Variants in UBAP1 observed in about 807,000 individuals in gnomAD.
The protein encoded by UBAP1 is ubiquitin-associated protein 1.
In UBAP1, 5 loss-of-function variants were observed where a neutral mutation model predicts 39.0. The ratio of observed to expected loss-of-function variants is 0.13; its 90% CI spans 0.07 to 0.27. UBAP1 has a LOEUF of 0.27. UBAP1 is among the 10% of genes least tolerant of loss of function. UBAP1 has a pLI of 1.00. For missense variants in UBAP1, 490 were observed against 608.1 expected (o/e 0.81, Z 2.04); for synonymous variants, 211 against 225.1 (o/e 0.94, Z 0.56).
At position 34,210,177 on chromosome 9, in the gene UBAP1, A is replaced by G. The variant is rs1001280400; in HGVS notation, c.-7-10731A>G. On this transcript the variant is annotated intron_variant, in intron 1 of 6. Coordinates refer to ENST00000297661, the MANE Select transcript of UBAP1 (RefSeq NM_016525.5). ...AATGTTCCTCAGTATGAATCAGGGT[A>G]CTGTGACCTCTTGTTGGCCTTCCAT... Among the ~76,000 whole-genome samples the G allele has an allele frequency of 3.3e-5, 5 of 152,174 alleles. No individual in the cohort carries two copies. The South Asian group carries it at 1.0e-3, about 32-fold the overall frequency.
intron 1 of UBAP1, among the ~76,000 whole-genome samples, chr9:34,183,642 C>T (rs1051866417): frequency 2.6e-5 from 4 of 151,510 alleles, no homozygotes; most frequent in Non-Finnish European, 5.9e-5. Context: ...TTAGAAATCA[C>T]CTGGGTGTAG....
chr9:34,179,020 T>A (rs1053341829), upstream of UBAP1: 3 of 1,256,596 alleles, frequency 2.4e-6, no homozygotes, highest in Non-Finnish European at 2.0e-6. Flanking sequence ...CCCAAATGAG[T>A]GGGGCGGTGA....
chr9:34,194,841 G>T (rs1830933052), intron 1 of UBAP1, among the ~76,000 whole-genome samples: 1 of 152,214 alleles, frequency 6.6e-6, no homozygotes, highest in African/African-American at 2.4e-5. Context: ...GCAGTGGGGG[G>T]TTGTATACCA....
rs1491474756 is a variant in UBAP1, at chr9:34,231,128, T to TGTGTG, written c.35-3087_35-3083dup. ...GGCAAATGTCTCTTTAAAAAAATTA[T>TGTGTG]GTGTGTGTGTGTGTGTGTGTGTGTG... On this transcript the variant is annotated intron_variant, in intron 2 of 6. Coordinates refer to ENST00000297661, the MANE Select transcript of UBAP1 (RefSeq NM_016525.5). 3.0e-3 allele frequency among the ~76,000 whole-genome samples: 12 copies of TGTGTG among 4,030 alleles called. No homozygotes were observed. The African/African-American group carries it at 0.04, about 14-fold the overall frequency. The allele number at this position is 4,030 out of a possible 152,430, so 2.6% of individuals were successfully genotyped here. A position where few individuals can be genotyped will look rare whatever the true frequency, so the allele number is the denominator to read the frequency against.
intron 1 of UBAP1, among the ~76,000 whole-genome samples, chr9:34,205,423 G>T (rs1273171146): frequency 6.6e-6 from 1 of 152,042 alleles, no homozygotes; most frequent in African/African-American, 2.4e-5. Flanking sequence ...CTTTTTATTG[G>T]TAACTACAAG....
intron 4 of UBAP1, 134 bp from the exon 5 acceptor site, chr9:34,249,645 C>A: frequency 3.7e-6 from 3 of 801,404 alleles, no homozygotes; most frequent in Non-Finnish European, 6.0e-6. Context: ...AGCAACCTGG[C>A]GATTTCTTCC....
chr9:34,212,626 TA>T (rs1454018990), intron 1 of UBAP1, among the ~76,000 whole-genome samples: 1 of 152,134 alleles, frequency 6.6e-6, no homozygotes, highest in African/African-American at 2.4e-5. Flanking sequence ...TAAATGGGTT[TA>T]GGGAAAATAC....
chr9:34,199,104 C>T (rs949079788), intron 1 of UBAP1, among the ~76,000 whole-genome samples: 7 of 152,276 alleles, frequency 4.6e-5, no homozygotes, highest in South Asian at 2.1e-4. Context: ...GACGGAGCCT[C>T]GCTCTGTCGC....
At chr9:34,198,832 AG>A (rs1224678631) in intron 1 of UBAP1, among the ~76,000 whole-genome samples, 3 of 152,164 alleles carry the variant, frequency 2.0e-5, no homozygotes, top group African/African-American at 7.2e-5. Flanking sequence ...CTATAGGCCC[AG>A]GGGATCACTC....
chr9:34,201,372 C>T (rs970774228), intron 1 of UBAP1: 2 of 152,010 alleles, frequency 1.3e-5, no homozygotes, highest in Admixed American at 1.3e-4. Context: ...TGGTGAAACC[C>T]CAACTCTACT....
intron 1 of UBAP1, among the ~76,000 whole-genome samples, chr9:34,190,161 G>A (rs1006781728): frequency 2.0e-5 from 3 of 152,124 alleles, no homozygotes; most frequent in Non-Finnish European, 4.4e-5. Flanking sequence ...ACCTTCACAT[G>A]TACCCCTGAA....
At chr9:34,251,231 C>T (rs1834504733) in intron 6 of UBAP1, among the ~76,000 whole-genome samples, 161 bp from the exon 7 acceptor site, 2 of 152,104 alleles carry the variant, frequency 1.3e-5, no homozygotes, top group Non-Finnish European at 2.9e-5. Flanking sequence ...CCACAGCCCA[C>T]CTCTGCTTGC....
At chr9:34,181,116 C>CTTTCTTTTTTTTTTTTTTTTCTT (rs1193356334) in intron 1 of UBAP1, among the ~76,000 whole-genome samples, 1 of 72,238 alleles carries the variant, frequency 1.4e-5, no homozygotes, top group Admixed American at 1.9e-4. Flanking sequence ...GGCCTGTTTT[C>CTTTCTTTTTTTTTTTTTTTTCTT]TTTTTTTTTT....
chr9:34,185,091 C>G (rs1160849195), intron 1 of UBAP1, among the ~76,000 whole-genome samples: 4 of 151,926 alleles, frequency 2.6e-5, no homozygotes, highest in Non-Finnish European at 5.9e-5. Flanking sequence ...CCTGCCACCA[C>G]GCCTGCTAAT....
At chr9:34,217,912 T>C (rs923642315) in intron 1 of UBAP1, among the ~76,000 whole-genome samples, 2 of 146,274 alleles carry the variant, frequency 1.4e-5, no homozygotes, top group Non-Finnish European at 3.0e-5. Flanking sequence ...ATTCTCATGC[T>C]GGATTTCATT....
intron 2 of UBAP1, among the ~76,000 whole-genome samples, chr9:34,230,077 T>C (rs1484385701): frequency 1.3e-5 from 2 of 152,170 alleles, no homozygotes; most frequent in African/African-American, 4.8e-5. Context: ...ATTAGTATTA[T>C]TATTGAAATG....
At chr9:34,184,241 TG>T (rs1242363520) in intron 1 of UBAP1, among the ~76,000 whole-genome samples, 2 of 151,992 alleles carry the variant, frequency 1.3e-5, no homozygotes, top group East Asian at 3.9e-4. Flanking sequence ...AAATTTTAGG[TG>T]GAAGTAGCAA....
intron 1 of UBAP1, among the ~76,000 whole-genome samples, chr9:34,210,570 T>C (rs1831958527): frequency 7.5e-6 from 1 of 132,860 alleles, no homozygotes; most frequent in South Asian, 3.0e-4. Context: ...TACAAAAAAA[T>C]TAGCTGGGCA....
chr9:34,249,971 T>C lies in UBAP1; in HGVS notation c.1266+10T>C. ...AGAGAATATTGAGCAGGTGAGCGGT[T>C]GGTCAGCCAGGAGGGCAGGCTCAGA... On this transcript the variant is annotated intron_variant, in intron 5 of 6. Transcript: ENST00000297661. 4 of 1,613,502 alleles carry C rather than the reference T, an allele frequency of 2.5e-6. No individual in the cohort carries two copies. The highest frequency in any genetic ancestry group is 3.4e-6 in the Non-Finnish European group (4 of 1,179,844).
Sources: gnomAD v4.1 joint callset for allele counts (sites outside exome capture counted in the v4.1 genomes callset) on GRCh38, gnomAD v4.1.1 for gene constraint, MANE v1.5 for transcripts, NCBI Gene and HGNC (gene_info 2026-07-23, HGNC 2026-07-21) for gene names.